SGCZ: variants seen among roughly 807,000 people sequenced by gnomAD.
SGCZ encodes sarcoglycan zeta.
SGCZ carries 40 observed loss-of-function variants against 41.3 expected under a neutral mutation model. That is an observed-to-expected ratio of 0.97 (90% CI 0.75 to 1.26). SGCZ has a LOEUF of 1.26. Among genes scored for constraint, SGCZ ranks in the 50% most tolerant of loss-of-function variants. SGCZ has a pLI of 0.00. For synonymous variants in SGCZ, 206 were observed against 137.5 expected, an observed-to-expected ratio of 1.50 and a Z score of -3.49; for missense variants, 552 against 369.8, an observed-to-expected ratio of 1.49 and a Z score of -4.04.
chr8:14,432,208 A>T (rs1420419450), intron 2 of SGCZ, among the ~76,000 whole-genome samples: 1 of 152,208 alleles, frequency 6.6e-6, no homozygotes, highest in East Asian at 1.9e-4. Flanking sequence ...ATATGTCATT[A>T]TACAAAAAGA....
intron 5 of SGCZ, among the ~76,000 whole-genome samples, chr8:14,115,355 A>G (rs1281118492): frequency 6.6e-6 from 1 of 152,028 alleles, no homozygotes; most frequent in East Asian, 1.9e-4. Context: ...CATTATAAAC[A>G]TTATAATTTT....
At chr8:14,411,343 C>T (rs1799355231) in intron 2 of SGCZ, among the ~76,000 whole-genome samples, 1 of 152,054 alleles carries the variant, frequency 6.6e-6, no homozygotes, top group Non-Finnish European at 1.5e-5. Context: ...TGTTTTTAGT[C>T]ATCAGATATA....
intron 4 of SGCZ, among the ~76,000 whole-genome samples, chr8:14,219,729 G>T (rs1806125964): frequency 6.8e-6 from 1 of 147,112 alleles, no homozygotes; most frequent in Admixed American, 6.9e-5. Flanking sequence ...CCTGGCGACA[G>T]AGTGAGACTT....
intron 3 of SGCZ, among the ~76,000 whole-genome samples, chr8:14,269,842 T>C (rs991638363): frequency 1.3e-5 from 2 of 152,168 alleles, no homozygotes; most frequent in African/African-American, 4.8e-5. Flanking sequence ...TTGATATCCT[T>C]TCAATAATTT....
chr8:14,280,685 G>C (rs1022637313), intron 3 of SGCZ, among the ~76,000 whole-genome samples: 2 of 151,736 alleles, frequency 1.3e-5, no homozygotes, highest in Non-Finnish European at 3.0e-5. Context: ...TTATCTTGTG[G>C]TGAGAAAAAT....
intron 1 of SGCZ, among the ~76,000 whole-genome samples, chr8:14,594,742 T>A (rs891822566): frequency 1.3e-5 from 2 of 151,954 alleles, no homozygotes; most frequent in Non-Finnish European, 2.9e-5. Context: ...TGCATATGTG[T>A]GTGCTTGTGT....
chr8:14,090,360 G>C lies in SGCZ; in HGVS notation c.*83C>G. On this transcript the variant is annotated 3_prime_UTR_variant, in exon 8 of 8. Transcript: ENST00000382080. ...GGACCATTCGAAGAAGCTCTGGACT[G>C]ATCACAAGGGAAACCGAGCAGAACT... is the stretch of plus-strand genomic sequence containing the variant. 1 of 1,459,756 alleles carries C rather than the reference G, an allele frequency of 6.9e-7. No individual in the cohort carries two copies. The highest frequency in any genetic ancestry group is 9.3e-7 in the Non-Finnish European group (1 of 1,079,354). The allele number at this position is 1,459,756 out of a possible 1,614,324, so 90.4% of individuals were successfully genotyped here.
intron 1 of SGCZ, among the ~76,000 whole-genome samples, chr8:15,218,200 G>T (rs1801480674): frequency 6.6e-6 from 1 of 151,950 alleles, no homozygotes; most frequent in Non-Finnish European, 1.5e-5. Flanking sequence ...GAAAGACTTT[G>T]TATTTTTAAA....
chr8:14,194,756 T>C (rs576580699), intron 4 of SGCZ, among the ~76,000 whole-genome samples: 1 of 151,898 alleles, frequency 6.6e-6, no homozygotes, highest in Non-Finnish European at 1.5e-5. Flanking sequence ...AAACAAATTA[T>C]ATAAGCCATG....
At chr8:14,104,943 CA>C (rs905427654) in intron 6 of SGCZ, among the ~76,000 whole-genome samples, 19 of 151,496 alleles carry the variant, frequency 1.3e-4, no homozygotes, top group African/African-American at 4.4e-4. Context: ...ATCTCAGATC[CA>C]AAAAAAATCT....
intron 1 of SGCZ, among the ~76,000 whole-genome samples, chr8:14,831,801 CATGTATATATGTGTG>C (rs1802541200): frequency 1.5e-5 from 2 of 134,770 alleles, no homozygotes; most frequent in African/African-American, 6.1e-5. Flanking sequence ...TGTACACATA[CATGTATATATGTGTG>C]CACATACATG....
intron 5 of SGCZ, among the ~76,000 whole-genome samples, chr8:14,151,003 C>T (rs897201939): frequency 4.6e-5 from 7 of 152,014 alleles, no homozygotes; most frequent in East Asian, 3.9e-4. Flanking sequence ...CATAGTAAAA[C>T]GATGATTACC....
At chr8:14,603,900 T>C (rs1395510709) in intron 1 of SGCZ, among the ~76,000 whole-genome samples, 1 of 152,160 alleles carries the variant, frequency 6.6e-6, no homozygotes, top group African/African-American at 2.4e-5. Context: ...GATGAAATTA[T>C]TTAGTTATGC....
chr8:14,280,364 A>G (rs183561989), intron 3 of SGCZ, among the ~76,000 whole-genome samples: 16 of 152,036 alleles, frequency 1.1e-4, no homozygotes, highest in African/African-American at 3.8e-4. Context: ...AATCAGAATG[A>G]TTAAGTGTTT....
chr8:14,781,990 A>T, intron 1 of SGCZ, among the ~76,000 whole-genome samples: 1 of 152,194 alleles, frequency 6.6e-6, no homozygotes, highest in East Asian at 1.9e-4. Flanking sequence ...AAACTTGTAA[A>T]TTGAACCATC....
rs1366844579 is a variant in SGCZ, at chr8:14,085,652, G to C, written c.*4791C>G. The stretch of plus-strand genomic sequence containing the variant: ...GTGAAAGTTGAAACTCAGCTGAGGA[G>C]ATCCATGCTGGGCCCATTTTGGGAT... On this transcript the variant is annotated 3_prime_UTR_variant, in exon 8 of 8. Transcript: ENST00000382080. 1.3e-5 allele frequency among the ~76,000 whole-genome samples: 2 copies of C among 151,758 alleles called. No individual in the cohort carries two copies. The highest frequency in any genetic ancestry group is 2.4e-5 in the African/African-American group (1 of 41,394).
rs1461592045 is a variant in SGCZ at position 14,316,795 on chromosome 8, C to T, written c.336+7308G>A. On this transcript the variant is annotated intron_variant, in intron 3 of 7. Coordinates refer to ENST00000382080, the MANE Select transcript of SGCZ (RefSeq NM_139167.4). ...TTCTTACTTCCTTGGTATTCCTGTC[C>T]AATCTCATTTATTATAGACACACAC... is the stretch of plus-strand genomic sequence containing the variant. 3.5e-5 allele frequency among the ~76,000 whole-genome samples: 5 copies of T among 141,982 alleles called. No individual in the cohort carries two copies. The East Asian group carries it at 1.1e-3, about 30-fold the overall frequency. 93.1% of individuals were successfully genotyped at this position (141,982 alleles called of 152,430 possible).
chr8:15,209,617 T>C (rs1335130635), intron 1 of SGCZ, among the ~76,000 whole-genome samples: 1 of 152,164 alleles, frequency 6.6e-6, no homozygotes, highest in Non-Finnish European at 1.5e-5. Context: ...ATCACAATTC[T>C]GTAAGTGAGA....
In SGCZ at chr8:15,008,309, G is replaced by T. The variant is rs188756574; in HGVS notation, c.39+229276C>A. On this transcript the variant is annotated intron_variant, in intron 1 of 7. Transcript: ENST00000382080. The stretch of plus-strand genomic sequence containing the variant: ...ATGAGTCCATTAAGTTTCTGTCATG[G>T]TTTAACAATGGTTGTGATATTTTCA... Among the ~76,000 whole-genome samples, 316 of 151,834 alleles carry T rather than the reference G, an allele frequency of 2.1e-3. 5 individuals are homozygous for T. The highest frequency in any genetic ancestry group is 0.019 in the South Asian group (92 of 4,798).
Sources: allele counts gnomAD v4.1 joint callset (sites outside exome capture counted in the v4.1 genomes callset), GRCh38; gene constraint gnomAD v4.1.1; transcripts MANE v1.5; gene names NCBI Gene and HGNC (gene_info 2026-07-23, HGNC 2026-07-21).